Variants in FRMD3 observed in about 807,000 individuals in gnomAD.
The protein encoded by FRMD3 is FERM domain-containing protein 3.
A neutral mutation model predicts 70.2 loss-of-function variants in FRMD3; 33 were observed. The observed-to-expected ratio is 0.47, with a 90% confidence interval of 0.36 to 0.63. The LOEUF (loss-of-function observed/expected upper bound fraction) is 0.63. Ranked by LOEUF, FRMD3 falls within the 20% of genes least tolerant of loss-of-function variation. The pLI is 0.00. For missense variants in FRMD3, 632 were observed against 711.4 expected (o/e 0.89, Z 1.27); for synonymous variants, 279 against 255.9 (o/e 1.09, Z -0.86).
intron 6 of FRMD3, among the ~76,000 whole-genome samples, chr9:83,333,367 C>T (rs1009356976): frequency 6.6e-6 from 1 of 152,202 alleles, no homozygotes. Context: ...ACAGAACTTA[C>T]TTCCAAGATT....
At chr9:83,457,151 G>T (rs1379516702) in intron 1 of FRMD3, among the ~76,000 whole-genome samples, 1 of 152,100 alleles carries the variant, frequency 6.6e-6, no homozygotes, top group Non-Finnish European at 1.5e-5. Flanking sequence ...TTACAATATT[G>T]CCCAACCTCT....
chr9:83,259,564 T>C (rs2118669725), intron 13 of FRMD3, among the ~76,000 whole-genome samples: 1 of 152,318 alleles, frequency 6.6e-6, no homozygotes, highest in South Asian at 2.1e-4. Flanking sequence ...TTTCTCCTAA[T>C]TTCTCCTTAT....
chr9:83,298,310 T>G (rs75478948), intron 12 of FRMD3, among the ~76,000 whole-genome samples: 2,979 of 152,304 alleles, frequency 0.02, 79 homozygotes, highest in African/African-American at 0.061. Flanking sequence ...CAACAATGAC[T>G]AAGTCCTTCA....
intron 1 of FRMD3, among the ~76,000 whole-genome samples, chr9:83,470,423 C>T (rs1462018723): frequency 6.6e-6 from 1 of 152,204 alleles, no homozygotes; most frequent in Non-Finnish European, 1.5e-5. Flanking sequence ...TCAGATCTCT[C>T]TCAGAGGGTT....
intron 1 of FRMD3, among the ~76,000 whole-genome samples, chr9:83,395,079 T>C (rs1158837259): frequency 6.6e-6 from 1 of 152,166 alleles, no homozygotes; most frequent in Non-Finnish European, 1.5e-5. Flanking sequence ...ATCTCACAGA[T>C]CTTAAAATCC....
chr9:83,574,365 G>A, the FRMD3 span, among the ~76,000 whole-genome samples: 1 of 152,166 alleles, frequency 6.6e-6, no homozygotes, highest in Non-Finnish European at 1.5e-5. Flanking sequence ...ATGGGCACTA[G>A]CCAAAAATAC....
rs183457568 is a variant in FRMD3, at chr9:83,332,130, G to C, written c.596+3386C>G. ...CTAAGCCACTGAGCATTGGGTGTTT[G>C]TTTCCTCAGCAAAATCTAACTGATC... On this transcript the variant is annotated intron_variant, in intron 6 of 13. Coordinates refer to ENST00000304195, the MANE Select transcript of FRMD3 (RefSeq NM_174938.6). 4.4e-3 allele frequency among the ~76,000 whole-genome samples: 676 copies of C among 152,312 alleles called. 6 individuals are homozygous for C. In the Middle Eastern group the frequency reaches 0.048, roughly 11 times the overall value.
intron 3 of FRMD3, among the ~76,000 whole-genome samples, chr9:83,356,556 G>A (rs1410606266): frequency 6.6e-6 from 1 of 151,332 alleles, no homozygotes; most frequent in Non-Finnish European, 1.5e-5. Context: ...GATTACAGGG[G>A]TGAGCCACCG....
chr9:83,556,986 T>C, the FRMD3 span, among the ~76,000 whole-genome samples: 1 of 152,146 alleles, frequency 6.6e-6, no homozygotes, highest in East Asian at 1.9e-4. Flanking sequence ...GACCAAAAGA[T>C]ATTCTGAAGC....
At chr9:83,565,458 A>G in the FRMD3 span, among the ~76,000 whole-genome samples, 1 of 152,206 alleles carries the variant, frequency 6.6e-6, no homozygotes, top group African/African-American at 2.4e-5. Context: ...AGCCAATTTC[A>G]AGGGTGGGGC....
At chr9:83,308,632 GAGA>G (rs1368852967) in intron 10 of FRMD3, among the ~76,000 whole-genome samples, 1 of 152,304 alleles carries the variant, frequency 6.6e-6, no homozygotes, top group East Asian at 1.9e-4. Context: ...GCGTCTCTCA[GAGA>G]AGAAGGTGTA....
rs145168669 is a variant in FRMD3 at position 83,246,739 on chromosome 9, T to C, written c.*1179A>G. ...GTTTCTTCTACAGAATCACAACAAATGGCATGAGGGATCAAAATATTTACC... is the reference window on the plus strand; with the variant it reads ...GTTTCTTCTACAGAATCACAACAAACGGCATGAGGGATCAAAATATTTACC... On this transcript the variant is annotated 3_prime_UTR_variant, in exon 14 of 14. Transcript: ENST00000304195. The C allele has an allele frequency of 1.9e-3, 1,854 of 984,918 alleles. 2 individuals carry two copies. Among genetic ancestry groups the C allele is most frequent in the Non-Finnish European group, 2.1e-3 (1,776 of 829,850 alleles). 61.0% of individuals were successfully genotyped at this position (984,918 alleles called of 1,614,324 possible). A position where few individuals can be genotyped will look rare whatever the true frequency, so the allele number is the denominator to read the frequency against.
intron 1 of FRMD3, among the ~76,000 whole-genome samples, chr9:83,413,526 C>T (rs754058853): frequency 6.6e-6 from 1 of 152,178 alleles, no homozygotes; most frequent in African/African-American, 2.4e-5. Context: ...ATGGATCCTA[C>T]TTTTAGTAAG....
At chr9:83,304,999 C>T (rs1056283244) in intron 10 of FRMD3, among the ~76,000 whole-genome samples, 4 of 152,206 alleles carry the variant, frequency 2.6e-5, no homozygotes, top group East Asian at 1.9e-4. Context: ...CAACCAGCAG[C>T]GCATTTGCGT....
chr9:83,566,624 G>A, the FRMD3 span, among the ~76,000 whole-genome samples: 1 of 152,210 alleles, frequency 6.6e-6, no homozygotes, highest in East Asian at 1.9e-4. Flanking sequence ...TACAGTATTG[G>A]GTAAATACAG....
intron 1 of FRMD3, among the ~76,000 whole-genome samples, chr9:83,426,122 T>C (rs553384267): frequency 7.7e-4 from 117 of 152,250 alleles, no homozygotes; most frequent in African/African-American, 2.4e-3. Context: ...AAAAGTTGAA[T>C]TCTTCCTATG....
chr9:83,372,386 A>C (rs893108422), intron 3 of FRMD3, among the ~76,000 whole-genome samples: 3 of 114,500 alleles, frequency 2.6e-5, no homozygotes, highest in African/African-American at 4.0e-5. Flanking sequence ...AAAAAAAAAA[A>C]GAAGTTCAGA....
intron 1 of FRMD3, among the ~76,000 whole-genome samples, chr9:83,449,644 T>C (rs1236029088): frequency 6.6e-6 from 1 of 152,210 alleles, no homozygotes; most frequent in Non-Finnish European, 1.5e-5. Flanking sequence ...CTGATGTCTG[T>C]GGCATTGCAC....
chr9:83,528,701 ATTTTT>A (rs920332984), intron 1 of FRMD3, among the ~76,000 whole-genome samples: 1 of 151,776 alleles, frequency 6.6e-6, no homozygotes, highest in African/African-American at 2.4e-5. Flanking sequence ...TAATTTTTGT[ATTTTT>A]TTGTAAACAC....
Sources: gnomAD v4.1 joint callset for allele counts (sites outside exome capture counted in the v4.1 genomes callset) on GRCh38, gnomAD v4.1.1 for gene constraint, MANE v1.5 for transcripts, NCBI Gene and HGNC (gene_info 2026-07-23, HGNC 2026-07-21) for gene names.